Variants in C3 observed in about 807,000 individuals in gnomAD.
C3 encodes the protein complement C3, also known as C3 and PZP-like alpha-2-macroglobulin domain-containing protein 1.
A neutral mutation model predicts 207.9 loss-of-function variants in C3; 97 were observed. The observed-to-expected ratio is 0.47, with a 90% confidence interval of 0.40 to 0.55. The LOEUF is 0.55. C3 is among the 20% of genes least tolerant of loss of function. C3 has a pLI of 0.00. For synonymous variants in C3, 848 were observed against 857.6 expected (o/e 0.99, Z 0.20); for missense variants, 1,684 against 2,171.7 (o/e 0.78, Z 4.46).
intron 4 of C3, among the ~76,000 whole-genome samples, chr19:6,715,609 T>G (rs561834797): frequency 2.5e-4 from 37 of 147,624 alleles, no homozygotes; most frequent in Admixed American, 4.1e-4. Flanking sequence ...TAAAAATCTG[T>G]TTTTTTTTTG....
At chr19:6,693,566 G>C in intron 24 of C3, 79 bp from the exon 25 acceptor site, 3 of 1,284,958 alleles carry the variant, frequency 2.3e-6, no homozygotes, top group Non-Finnish European at 3.3e-6. Context: ...GGGGCGGGGT[G>C]CAGAGAGGGG....
At chr19:6,682,360 AT>A in intron 33 of C3, 131 bp from the exon 34 acceptor site, 1 of 720,000 alleles carries the variant, frequency 1.4e-6, no homozygotes, top group Non-Finnish European at 2.5e-6. Flanking sequence ...GGGGCGTTAC[AT>A]TTTTTAGGAA....
intron 28 of C3, 135 bp from the exon 29 acceptor site, chr19:6,686,422 T>C: frequency 2.1e-6 from 2 of 939,890 alleles, no homozygotes; most frequent in Non-Finnish European, 3.4e-6. Flanking sequence ...AGGCTCTCAA[T>C]TACTTGGCTC....
chr19:6,702,756 G>A (rs1967702196), intron 17 of C3, 177 bp from the exon 18 acceptor site: 1 of 587,556 alleles, frequency 1.7e-6, no homozygotes, highest in Admixed American at 2.3e-5. Context: ...AATTAAGGCT[G>A]GGCACGGTGG....
In C3 at chr19:6,684,703, G is replaced by A. The variant is rs551065702; in HGVS notation, c.4030-53C>T. On this transcript the variant is annotated intron_variant, in intron 31 of 40. Coordinates refer to ENST00000245907, the MANE Select transcript of C3 (RefSeq NM_000064.4). ...GTCAGCCCACAGGACTAGGACTGCT[G>A]GGGACAAGAGGAGATGGTCCCTCTG... 1.1e-3 allele frequency: 1,833 copies of A among 1,600,148 alleles called. 45 individuals are homozygous for A. In the South Asian group the frequency reaches 0.019, roughly 17 times the overall value.
Position 6,711,166 on chromosome 19 carries a change from C to A in C3, c.1300G>T (p.Ala434Ser), listed in dbSNP as rs1967915788. 3 of 1,613,696 alleles carry A rather than the reference C, an allele frequency of 1.9e-6. No individual in the cohort carries two copies. The highest frequency in any genetic ancestry group is 2.5e-6 in the Non-Finnish European group (3 of 1,179,992). ...TGCATGGTCCTGGTAGCCTGCTCTG[C>A]CTCCGAGAGCTCCTGCTTCTTCGTG... ...VRTKKQELSE[A>S]EQATRTMQAL... Residue 434 changes from alanine to serine, a missense_variant, in exon 12 of 41, where the codon GCA (alanine) becomes TCA (serine). Physicochemically the swap from Ala to Ser is moderately conservative, Grantham distance 99 (BLOSUM62 1). Around this residue, in one of 3 missense-constraint regions of C3, gnomAD observed 1,280 missense variants for 1,739.1 expected, o/e 0.74. Coordinates refer to ENST00000245907, the MANE Select transcript of C3 (RefSeq NM_000064.4).
intron 35 of C3, among the ~76,000 whole-genome samples, chr19:6,681,068 C>T (rs1917846064): frequency 1.3e-5 from 2 of 151,940 alleles, no homozygotes; most frequent in African/African-American, 4.8e-5. Flanking sequence ...GGTACTTACA[C>T]AGAATATTTA....
At position 6,719,152 on chromosome 19, in the gene C3, AG is replaced by A. The variant is rs567732463; in HGVS notation, c.267+58del. ...GACAGAAGGGGAGGGGCTCAGGAGG[AG>A]GGGGGGAGTGGGCGTGGCTGTGGGT... On this transcript the variant is annotated intron_variant, in intron 2 of 40. Coordinates refer to ENST00000245907, the MANE Select transcript of C3 (RefSeq NM_000064.4). This position sits in a 1 kb window ranked among gnomAD's most constrained non-coding sequence, Gnocchi z 5.4. The A allele has an allele frequency of 1.3e-4, 174 of 1,313,000 alleles. 1 individual carries two copies. In the South Asian group the frequency reaches 1.5e-3, roughly 12 times the overall value. 81.3% of individuals were successfully genotyped at this position (1,313,000 alleles called of 1,614,324 possible). A position where few individuals can be genotyped will look rare whatever the true frequency, so the allele number is the denominator to read the frequency against.
rs1293706769 is a variant in C3, at chr19:6,680,173, C to T, written c.4441G>A (p.Ala1481Thr). 8.7e-6 allele frequency: 14 copies of T among 1,609,198 alleles called. No individual in the cohort carries two copies. Among genetic ancestry groups the T allele is most frequent in the South Asian group, 6.6e-5 (6 of 91,000 alleles). ...LIQPGAVKVY[A>T]YYNLEESCTR... Reference sequence around the variant, plus strand: ...GGCTGCTCACCCAGGTTGTAATAGGCGTAGACCTTGACTGCTCCAGGCTGG... The same window carrying T: ...GGCTGCTCACCCAGGTTGTAATAGGTGTAGACCTTGACTGCTCCAGGCTGG... The change falls in exon 36 of 41, where the codon GCC becomes ACC. Residue 1481 changes from alanine to threonine, a missense_variant. Around this residue, in one of 3 missense-constraint regions of C3, gnomAD observed 346 missense variants for 380.1 expected, o/e 0.91. Coordinates refer to ENST00000245907, the MANE Select transcript of C3 (RefSeq NM_000064.4).
intron 23 of C3, among the ~76,000 whole-genome samples, chr19:6,695,300 T>C (rs961670481): frequency 6.6e-6 from 1 of 151,118 alleles, no homozygotes; most frequent in African/African-American, 2.4e-5. Context: ...ACACCAACCC[T>C]TGGAGGTAGA....
chr19:6,694,342 G>A (rs891995601), intron 24 of C3, 89 bp downstream of exon 24: 11 of 1,152,430 alleles, frequency 9.5e-6, no homozygotes, highest in Admixed American at 7.1e-5. Flanking sequence ...CTCAGGGGAG[G>A]GCGTGGTCTT....
In C3 at chr19:6,707,388, T is replaced by A; in HGVS notation, c.2047+78A>T. On this transcript the variant is annotated intron_variant, in intron 16 of 40. Coordinates refer to ENST00000245907, the MANE Select transcript of C3 (RefSeq NM_000064.4). ...CGCCGCCAGGGCCTCCCCTCCTCCC[T>A]CTCTGGCTCCTGCACGGCCGGGCTG... 3 of 1,600,584 alleles carry A rather than the reference T, an allele frequency of 1.9e-6. No homozygotes were observed. The Admixed American group carries it at 5.0e-5, about 27-fold the overall frequency.
At chr19:6,712,164 C>T in intron 11 of C3, 93 bp downstream of exon 11, 1 of 1,496,758 alleles carries the variant, frequency 6.7e-7, no homozygotes, top group Non-Finnish European at 9.2e-7. Flanking sequence ...ATGAGAATAT[C>T]TGTATGCAAA....
chr19:6,684,865 T>C, intron 30 of C3, 31 bp from the exon 31 acceptor site: 1 of 1,613,310 alleles, frequency 6.2e-7, no homozygotes, highest in Non-Finnish European at 8.5e-7. Flanking sequence ...AGAGAGCATG[T>C]TGGGAATTAA....
At chr19:6,689,320 T>TCTGCCTAC (rs1555684196) in intron 27 of C3, among the ~76,000 whole-genome samples, 1 of 72,344 alleles carries the variant, frequency 1.4e-5, no homozygotes, top group Non-Finnish European at 2.7e-5. Context: ...TCTCTCTCTC[T>TCTGCCTAC]CTACCTACCT....
At chr19:6,700,830 TAATA>T (rs1284738046) in intron 19 of C3, among the ~76,000 whole-genome samples, 1 of 145,964 alleles carries the variant, frequency 6.9e-6, no homozygotes, top group Non-Finnish European at 1.5e-5. Flanking sequence ...ACATTACAAT[TAATA>T]AATATATAAA....
Position 6,718,367 on chromosome 19 carries a change from A to G in C3, c.313T>C (p.Phe105Leu), listed in dbSNP as rs777469190. ...EFKSEKGRNKFVTVQATFGTQ... is the reference protein window; with the variant it reads ...EFKSEKGRNKLVTVQATFGTQ... Reference sequence around the variant, plus strand: ...CCGAAGGTGGCCTGCACGGTCACGAACTTGTTGCGCCCCTTTTCTGACTTG... The same window carrying G: ...CCGAAGGTGGCCTGCACGGTCACGAGCTTGTTGCGCCCCTTTTCTGACTTG... Residue 105 changes from phenylalanine to leucine, a missense_variant, in exon 3 of 41, where the codon TTC becomes CTC. This residue lies in a region of C3 where 1,280 missense variants were observed against 1,739.1 expected (regional missense o/e 0.74). Transcript: ENST00000245907. 1 of 1,614,182 alleles carries G rather than the reference A, an allele frequency of 6.2e-7. No individual in the cohort carries two copies. The highest frequency in any genetic ancestry group is 1.1e-5 in the South Asian group (1 of 91,080).
At chr19:6,689,359 C>A (rs1304672271) in intron 27 of C3, among the ~76,000 whole-genome samples, 43 of 66,526 alleles carry the variant, frequency 6.5e-4, no homozygotes, top group African/African-American at 2.3e-3. Context: ...CTCCCTCCCT[C>A]CCTCTCTCTC....
chr19:6,685,506 A>G (rs1917982158), intron 29 of C3, among the ~76,000 whole-genome samples: 1 of 152,222 alleles, frequency 6.6e-6, no homozygotes, highest in Non-Finnish European at 1.5e-5. Flanking sequence ...GAACCCACTC[A>G]TGAAGAACAG....
Sources: gnomAD v4.1 joint callset for allele counts (sites outside exome capture counted in the v4.1 genomes callset) on GRCh38, gnomAD v4.1.1 for gene constraint, gnomAD v4.1.1 regional missense constraint, Gnocchi (gnomAD v3.1) non-coding constraint, MANE v1.5 for transcripts, NCBI Gene and HGNC (gene_info 2026-07-23, HGNC 2026-07-21) for gene names.